The following STX8 variants were observed in gnomAD, a reference collection of about 807,000 sequenced individuals.
STX8 encodes the protein syntaxin 8, also known as syntaxin-8.
In STX8, 23 loss-of-function variants were observed where a neutral mutation model predicts 37.5. The ratio of observed to expected loss-of-function variants is 0.61; its 90% confidence interval spans 0.44 to 0.87. The LOEUF (loss-of-function observed/expected upper bound fraction) is 0.87, where lower values mean the gene tolerates loss of function less well. STX8 is among the 40% of genes least tolerant of loss of function. The pLI is 0.00. For synonymous variants in STX8, 115 were observed against 99.1 expected (o/e 1.16, Z -0.95); for missense variants, 313 against 284.7 (o/e 1.10, Z -0.71).
chr17:9,254,556 C>T (rs953413944), intron 7 of STX8, among the ~76,000 whole-genome samples: 9 of 152,128 alleles, frequency 5.9e-5, no homozygotes, highest in South Asian at 2.1e-4. Context: ...CCACTATGCC[C>T]GGCTAATTTT....
At chr17:9,317,788 AGTG>A (rs1909437839) in intron 7 of STX8, among the ~76,000 whole-genome samples, 1 of 150,108 alleles carries the variant, frequency 6.7e-6, no homozygotes, top group Admixed American at 6.7e-5. Context: ...AAAAAAAAAA[AGTG>A]GGGCTGTTTT....
rs59129684 is a variant in STX8, at chr17:9,360,663, T to TAAA, written c.643+17886_643+17888dup. On this transcript the variant is annotated intron_variant, in intron 7 of 7. Coordinates refer to ENST00000306357, the MANE Select transcript of STX8 (RefSeq NM_004853.3). ...CAAGAAAAAAAATATTTATTAGTGT[T>TAAA]AAAAAAAAAAAAAAAAAGACTGTAG... 9.3e-3 allele frequency among the ~76,000 whole-genome samples: 1,246 copies of TAAA among 133,402 alleles called. 24 individuals are homozygous for TAAA. The highest frequency in any genetic ancestry group is 0.03 in the African/African-American group (1,074 of 36,054). The allele number at this position is 133,402 out of a possible 152,430, so 87.5% of individuals were successfully genotyped here. A position where few individuals can be genotyped will look rare whatever the true frequency, so the allele number is the denominator to read the frequency against.
chr17:9,291,298 TA>T (rs1208370723), intron 7 of STX8, among the ~76,000 whole-genome samples: 2 of 151,960 alleles, frequency 1.3e-5, no homozygotes, highest in Non-Finnish European at 2.9e-5. Context: ...CACAAAACAT[TA>T]GCTGGGTGTG....
chr17:9,378,774 G>C, intron 6 of STX8, 121 bp from the exon 7 acceptor site: 2 of 723,134 alleles, frequency 2.8e-6, no homozygotes, highest in East Asian at 2.6e-5. Context: ...AAAAGGTACA[G>C]AACTCATGTC....
intron 6 of STX8, among the ~76,000 whole-genome samples, chr17:9,420,907 T>A (rs1278632882): frequency 2.6e-5 from 4 of 152,290 alleles, no homozygotes; most frequent in Admixed American, 2.6e-4. Flanking sequence ...TGCATGTGCC[T>A]TTAAGTACAT....
rs184956764 is a variant in STX8, at chr17:9,360,910, C to T, written c.643+17642G>A. ...CTGCAGAAAGTAACCCAGTGAGACC[C>T]GCGGTGCCGGCTACAGGTCCCTGAC... is the stretch of plus-strand genomic sequence containing the variant. On this transcript the variant is annotated intron_variant, in intron 7 of 7. Transcript: ENST00000306357. Among the ~76,000 whole-genome samples, 383 of 152,178 alleles carry T rather than the reference C, an allele frequency of 2.5e-3. 1 individual carries two copies. The highest frequency in any genetic ancestry group is 3.4e-3 in the Middle Eastern group (1 of 294).
intron 6 of STX8, among the ~76,000 whole-genome samples, chr17:9,464,282 TA>T (rs5819229): frequency 0.12 from 18,070 of 152,180 alleles, 1,354 homozygotes; most frequent in Non-Finnish European, 0.17. Flanking sequence ...GTGAGGGATG[TA>T]AATTATGATC....
At chr17:9,416,992 G>A (rs1023605650) in intron 6 of STX8, among the ~76,000 whole-genome samples, 5 of 152,118 alleles carry the variant, frequency 3.3e-5, no homozygotes, top group Non-Finnish European at 7.3e-5. Flanking sequence ...TCATGACTCA[G>A]CGGGTCCTGT....
At chr17:9,375,331 A>C (rs555396719) in intron 7 of STX8, among the ~76,000 whole-genome samples, 1 of 152,322 alleles carries the variant, frequency 6.6e-6, no homozygotes, top group African/African-American at 2.4e-5. Context: ...AGTCCAGCTC[A>C]GAAGACATTA....
chr17:9,532,046 A>G (rs1478640737), intron 4 of STX8, among the ~76,000 whole-genome samples: 2 of 152,082 alleles, frequency 1.3e-5, no homozygotes. Context: ...TCAGATCTCA[A>G]GGTCTCTGGT....
In STX8 at chr17:9,323,461, C is replaced by A. The variant is rs192785316; in HGVS notation, c.643+55091G>T. ...TTATAAACCACAAATATTCTTAAAA[C>A]ATGTCTTTAATTCACATTGTGTCCA... is the stretch of plus-strand genomic sequence containing the variant. On this transcript the variant is annotated intron_variant, in intron 7 of 7. Transcript: ENST00000306357. Among the ~76,000 whole-genome samples the A allele has an allele frequency of 1.4e-3, 208 of 152,234 alleles. 1 individual carries two copies. The highest frequency in any genetic ancestry group is 4.6e-3 in the African/African-American group (190 of 41,540).
intron 6 of STX8, among the ~76,000 whole-genome samples, chr17:9,388,098 C>T (rs62067145): frequency 0.34 from 47,860 of 142,262 alleles, 9,765 homozygotes; most frequent in African/African-American, 0.6. Flanking sequence ...TGAGACATTA[C>T]TTCGCTCTTG....
chr17:9,408,328 TC>T (rs936996828), intron 6 of STX8, among the ~76,000 whole-genome samples: 1 of 152,174 alleles, frequency 6.6e-6, no homozygotes, highest in Non-Finnish European at 1.5e-5. Flanking sequence ...TCAATCTTTA[TC>T]CATCTAGTAA....
intron 6 of STX8, among the ~76,000 whole-genome samples, chr17:9,465,377 A>G (rs1905565868): frequency 6.6e-6 from 1 of 152,216 alleles, no homozygotes; most frequent in African/African-American, 2.4e-5. Flanking sequence ...TGTCTACGTT[A>G]CTGCCTGTGC....
intron 7 of STX8, among the ~76,000 whole-genome samples, chr17:9,293,401 C>T (rs937687190): frequency 9.9e-5 from 15 of 152,052 alleles, no homozygotes; most frequent in Non-Finnish European, 1.2e-4. Context: ...TACACGGCTT[C>T]CTGGGGAAGT....
chr17:9,439,111 C>G (rs949034258), intron 6 of STX8, among the ~76,000 whole-genome samples: 1 of 152,012 alleles, frequency 6.6e-6, no homozygotes, highest in Non-Finnish European at 1.5e-5. Flanking sequence ...CCATTCTTGG[C>G]TCATGACCTG....
intron 6 of STX8, among the ~76,000 whole-genome samples, chr17:9,395,838 C>T (rs545018302): frequency 2.0e-4 from 31 of 152,230 alleles, no homozygotes; most frequent in Non-Finnish European, 4.1e-4. Context: ...TATAGCCAGA[C>T]ACAATTAGTC....
chr17:9,487,123 G>A (rs1183180789), intron 6 of STX8, among the ~76,000 whole-genome samples: 4 of 152,142 alleles, frequency 2.6e-5, no homozygotes, highest in African/African-American at 9.7e-5. Context: ...GGTTGGTCAG[G>A]CCCTTTTTAA....
At chr17:9,357,914 C>G (rs1910939113) in intron 7 of STX8, among the ~76,000 whole-genome samples, 1 of 152,096 alleles carries the variant, frequency 6.6e-6, no homozygotes, top group African/African-American at 2.4e-5. Context: ...CCATTAGTTT[C>G]CAGAATAAGT....
Sources: allele counts gnomAD v4.1 joint callset (sites outside exome capture counted in the v4.1 genomes callset), GRCh38; gene constraint gnomAD v4.1.1; transcripts MANE v1.5; gene names NCBI Gene and HGNC (gene_info 2026-07-23, HGNC 2026-07-21).